SNX14: variants seen among roughly 807,000 people sequenced by gnomAD.
The protein encoded by SNX14 is sorting nexin-14.
Under a neutral mutation model 133.8 loss-of-function variants are expected in SNX14, and 93 were observed. The ratio of observed to expected loss-of-function variants is 0.70; its 90% CI spans 0.59 to 0.83. The LOEUF is 0.83. Ranked by LOEUF, SNX14 falls within the 40% of genes least tolerant of loss-of-function variation. The pLI is 0.00. For synonymous variants in SNX14, 368 were observed against 365.6 expected, an observed-to-expected ratio of 1.01 and a Z score of -0.07; for missense variants, 945 against 1,094.9, an observed-to-expected ratio of 0.86 and a Z score of 1.93.
intron 21 of SNX14, among the ~76,000 whole-genome samples, chr6:85,519,259 G>T (rs1321939392): frequency 6.6e-6 from 1 of 152,182 alleles, no homozygotes; most frequent in Non-Finnish European, 1.5e-5. Flanking sequence ...TGTGGGTATA[G>T]ACAGAAGCCA....
At chr6:85,514,325 CA>C in intron 24 of SNX14, 91 bp from the exon 25 acceptor site, 1 of 1,503,188 alleles carries the variant, frequency 6.7e-7, no homozygotes, top group Non-Finnish European at 8.9e-7. Flanking sequence ...TGACCATGGT[CA>C]ATATTTTATT....
chr6:85,553,272 A>G (rs536901249), intron 7 of SNX14, among the ~76,000 whole-genome samples: 252 of 152,372 alleles, frequency 1.7e-3, no homozygotes, highest in Non-Finnish European at 3.0e-3. Context: ...AAGCGGGATT[A>G]GCAAAGAACA....
intron 7 of SNX14, among the ~76,000 whole-genome samples, chr6:85,551,180 C>G (rs1352807118): frequency 1.3e-5 from 2 of 152,140 alleles, no homozygotes; most frequent in African/African-American, 4.8e-5. Context: ...AATGGACTCC[C>G]CCTAGCTGAG....
chr6:85,543,416 C>A, intron 13 of SNX14, 110 bp from the exon 14 acceptor site: 1 of 1,134,664 alleles, frequency 8.8e-7, no homozygotes, highest in Non-Finnish European at 1.2e-6. Flanking sequence ...AGAAATTAGA[C>A]CAACCAAGCT....
At chr6:85,587,547 C>T (rs1343341725) in intron 1 of SNX14, among the ~76,000 whole-genome samples, 1 of 152,084 alleles carries the variant, frequency 6.6e-6, no homozygotes, top group Non-Finnish European at 1.5e-5. Flanking sequence ...CTTACTGCAG[C>T]CTCAACCTCT....
chr6:85,550,305 T>C (rs1179356969), intron 7 of SNX14, among the ~76,000 whole-genome samples: 1 of 152,182 alleles, frequency 6.6e-6, no homozygotes, highest in Admixed American at 6.5e-5. Flanking sequence ...AATTGATAAA[T>C]GGACCCTTTG....
At chr6:85,567,650 A>G in intron 4 of SNX14, 73 bp from the exon 5 acceptor site, 1 of 947,614 alleles carries the variant, frequency 1.1e-6, no homozygotes, top group East Asian at 3.3e-5. Context: ...ACCATTTGGG[A>G]ATATGTAACA....
chr6:85,505,973 C>G lies in SNX14; in HGVS notation c.2835G>C (p.Trp945Cys). 1 of 1,601,318 alleles carries G rather than the reference C, an allele frequency of 6.2e-7. No individual in the cohort carries two copies. Residue 945 changes from tryptophan to cysteine, a missense_variant, in exon 29 of 29, where the codon TGG becomes TGC. By Grantham distance (215) the Trp-to-Cys change is radical (BLOSUM62 -2). Transcript: ENST00000314673. ...CTATACCAAATCCAAGTGTTTACAT[C>G]CAAGATGTCACAGAGGTAACTTCCT... Reference protein sequence around the residue: ...VQKEVTSVTSWM With the variant: ...VQKEVTSVTSCM
intron 16 of SNX14, among the ~76,000 whole-genome samples, chr6:85,538,084 A>G: frequency 6.6e-6 from 1 of 152,216 alleles, no homozygotes; most frequent in African/African-American, 2.4e-5. Context: ...TAAGTTATCT[A>G]CTGAAATAAT....
At chr6:85,563,648 C>T (rs1792617433) in intron 6 of SNX14, among the ~76,000 whole-genome samples, 1 of 152,192 alleles carries the variant, frequency 6.6e-6, no homozygotes, top group African/African-American at 2.4e-5. Context: ...CCACCTAGGC[C>T]TCCCAAAGTG....
intron 7 of SNX14, among the ~76,000 whole-genome samples, chr6:85,557,130 C>T (rs1229619635): frequency 6.6e-6 from 1 of 152,144 alleles, no homozygotes; most frequent in Non-Finnish European, 1.5e-5. Context: ...ACCGTGAAAC[C>T]TCTTCTGGTC....
intron 7 of SNX14, among the ~76,000 whole-genome samples, chr6:85,557,156 T>C (rs1790057677): frequency 6.6e-6 from 1 of 152,218 alleles, no homozygotes; most frequent in African/African-American, 2.4e-5. Context: ...GTCATGTGTG[T>C]AGAGTGGTAC....
Position 85,593,652 on chromosome 6 carries a change from C to G in SNX14, c.67G>C (p.Glu23Gln). ...KQRLRLDVGR[E>Q]ICRQYPLFCF... ...AACAGCGGGTACTGGCGGCAGATCT[C>G]GCGTCCCACGTCCAGTCGCAGCCGC... The change falls in exon 1 of 29, where the codon GAG (glutamate) becomes CAG (glutamine). Residue 23 changes from glutamate (E) to glutamine (Q), a missense_variant. By Grantham distance (29) the Glu-to-Gln change is conservative. Transcript: ENST00000314673. 6.2e-7 allele frequency: 1 copy of G among 1,612,820 alleles called. No individual in the cohort carries two copies. Among genetic ancestry groups the G allele is most frequent in the Non-Finnish European group, 8.5e-7 (1 of 1,179,880 alleles).
At chr6:85,543,435 G>A (rs1245470906) in intron 13 of SNX14, 129 bp from the exon 14 acceptor site, 3 of 1,060,978 alleles carry the variant, frequency 2.8e-6, no homozygotes, top group Non-Finnish European at 4.0e-6. Context: ...CTCTAGTTCT[G>A]ACAAATACAT....
chr6:85,581,202 A>T (rs1798959367), intron 1 of SNX14: 1 of 152,252 alleles, frequency 6.6e-6, no homozygotes, highest in Admixed American at 6.5e-5. Context: ...CTACCTGGTA[A>T]TCCAGAGAAT....
chr6:85,579,268 T>C (rs1239335174), intron 1 of SNX14, among the ~76,000 whole-genome samples: 1 of 152,116 alleles, frequency 6.6e-6, no homozygotes, highest in Non-Finnish European at 1.5e-5. Context: ...GAAAAATACC[T>C]GTTCACTACA....
At chr6:85,574,861 T>C (rs1562382919) in intron 1 of SNX14, among the ~76,000 whole-genome samples, 2 of 152,052 alleles carry the variant, frequency 1.3e-5, no homozygotes, top group Non-Finnish European at 2.9e-5. Flanking sequence ...AGCACAATAC[T>C]ATGTGATCAC....
At chr6:85,580,168 G>A (rs1437042407) in intron 1 of SNX14, among the ~76,000 whole-genome samples, 1 of 152,242 alleles carries the variant, frequency 6.6e-6, no homozygotes, top group East Asian at 1.9e-4. Context: ...GGAAGACAGG[G>A]AACTGGGCAG....
chr6:85,533,782 C>T lies in SNX14; in HGVS notation c.1627G>A (p.Val543Ile), dbSNP rs1378069018. The T allele has an allele frequency of 6.2e-7, 1 of 1,612,426 alleles. No homozygotes were observed. The highest frequency in any genetic ancestry group is 8.5e-7 in the Non-Finnish European group (1 of 1,179,746). Residue 543 changes from valine (V) to isoleucine (I), a missense_variant, in exon 18 of 29, where the codon GTA becomes ATA. Val to Ile is a conservative substitution (Grantham distance 29, BLOSUM62 3). Around this residue, in one of 3 missense-constraint regions of SNX14, gnomAD observed 412 missense variants for 516.6 expected, o/e 0.80. Transcript: ENST00000314673. ...EDDFIEEGIVVMEDDSPVEAV... is the reference protein window; with the variant it reads ...EDDFIEEGIVIMEDDSPVEAV... ...TCCACTGGAGAATCATCTTCCATTACAACAATACCTTCTTCAATCTGGAAA... is the reference window on the plus strand; with the variant it reads ...TCCACTGGAGAATCATCTTCCATTATAACAATACCTTCTTCAATCTGGAAA...
Sources: gnomAD v4.1 joint callset for allele counts (sites outside exome capture counted in the v4.1 genomes callset) on GRCh38, gnomAD v4.1.1 for gene constraint, gnomAD v4.1.1 regional missense constraint, MANE v1.5 for transcripts, NCBI Gene and HGNC (gene_info 2026-07-23, HGNC 2026-07-21) for gene names.